Variants in LRRIQ1 observed in about 807,000 individuals in gnomAD.
The protein encoded by LRRIQ1 is leucine-rich repeat- and IQ domain-containing protein 1.
In LRRIQ1, 210 loss-of-function variants were observed where a neutral mutation model predicts 211.9. The ratio of observed to expected loss-of-function variants is 0.99; its 90% CI spans 0.89 to 1.11. The LOEUF is 1.11. LRRIQ1 is among the 50% of genes most tolerant of loss of function. The probability of loss-of-function intolerance (pLI) is 0.00; values close to 1 mark genes in which losing one functional copy is unlikely to be tolerated. For synonymous variants in LRRIQ1, 699 were observed against 650.1 expected, an observed-to-expected ratio of 1.08 and a Z score of -1.14; for missense variants, 2,136 against 1,939.5, an observed-to-expected ratio of 1.10 and a Z score of -1.90.
intron 6 of LRRIQ1, 122 bp from the exon 7 acceptor site, chr12:85,052,055 C>T: frequency 1.9e-6 from 1 of 523,922 alleles, no homozygotes; most frequent in Non-Finnish European, 3.3e-6. Flanking sequence ...AAATTGAAAG[C>T]CATTGGTTGG....
At chr12:85,171,189 T>C (rs1891398540) in intron 24 of LRRIQ1, among the ~76,000 whole-genome samples, 1 of 152,120 alleles carries the variant, frequency 6.6e-6, no homozygotes, top group South Asian at 2.1e-4. Context: ...AATATCCAAA[T>C]TGAAAGTTTA....
chr12:85,153,941 T>C, intron 22 of LRRIQ1, 71 bp from the exon 23 acceptor site: 1 of 1,077,598 alleles, frequency 9.3e-7, no homozygotes, highest in Admixed American at 3.0e-5. Context: ...TATGCATGTC[T>C]ATTTTTATAT....
intron 15 of LRRIQ1, among the ~76,000 whole-genome samples, chr12:85,110,924 A>G (rs1308797163): frequency 6.6e-6 from 1 of 152,048 alleles, no homozygotes. Flanking sequence ...ACTTTATTTC[A>G]CAGCACCCCT....
chr12:85,179,359 C>T (rs927137412), intron 24 of LRRIQ1, among the ~76,000 whole-genome samples: 1 of 151,776 alleles, frequency 6.6e-6, no homozygotes, highest in African/African-American at 2.4e-5. Flanking sequence ...CAGCAGTGTG[C>T]CATAAGCAGT....
In LRRIQ1 at chr12:85,055,849, AAAGG is replaced by A; in HGVS notation, c.1060_1063del (p.Glu354ArgfsTer17). On this transcript the variant is annotated frameshift_variant, in exon 8 of 27. Transcript: ENST00000393217. LOFTEE classifies it high-confidence loss of function. ...GGATAAAAGAAGAGAGAAAAAAGCA[AAAGG>A]AAGAGGAAAGGAAAAGGAGAGAAAA... 6.3e-7 allele frequency: 1 copy of A among 1,590,070 alleles called. No individual in the cohort carries two copies. Among genetic ancestry groups the A allele is most frequent in the Non-Finnish European group, 8.5e-7 (1 of 1,169,902 alleles).
chr12:85,190,433 T>C (rs2136934535), intron 24 of LRRIQ1, among the ~76,000 whole-genome samples: 1 of 147,504 alleles, frequency 6.8e-6, no homozygotes, highest in Admixed American at 6.9e-5. Context: ...AATAATTATA[T>C]CAAATAGTTT....
chr12:85,207,561 T>C (rs745489124), intron 24 of LRRIQ1, among the ~76,000 whole-genome samples: 2 of 152,164 alleles, frequency 1.3e-5, no homozygotes, highest in Non-Finnish European at 2.9e-5. Context: ...TTTTCATGGA[T>C]TGTGCCCTTG....
rs182425752 is a variant in LRRIQ1 at position 85,201,293 on chromosome 12, A to T, written c.4823-28224A>T. Among the ~76,000 whole-genome samples, 916 of 142,492 alleles carry T rather than the reference A, an allele frequency of 6.4e-3. 7 individuals carry two copies. The highest frequency in any genetic ancestry group is 0.023 in the African/African-American group (883 of 38,092). The allele number at this position is 142,492 out of a possible 152,430, so 93.5% of individuals were successfully genotyped here. The stretch of plus-strand genomic sequence containing the variant: ...TCCCTCAGGTTTTAGTATCAGGATG[A>T]TGCTGGGCTCATAGAATGAGTTAGC... On this transcript the variant is annotated intron_variant, in intron 24 of 26. Coordinates refer to ENST00000393217, the MANE Select transcript of LRRIQ1 (RefSeq NM_001079910.2).
In LRRIQ1 at chr12:85,152,274, G is replaced by T; in HGVS notation, c.4330-6G>T. The stretch of plus-strand genomic sequence containing the variant: ...AATTACATACATTTTAATATTATTT[G>T]TGCAGGCTGCCTTAGAAGAAGAATG... On this transcript the variant is annotated splice_polypyrimidine_tract_variant and splice_region_variant and intron_variant, in intron 19 of 26. Coordinates refer to ENST00000393217, the MANE Select transcript of LRRIQ1 (RefSeq NM_001079910.2). The T allele has an allele frequency of 6.2e-7, 1 of 1,603,226 alleles. No homozygotes were observed. The highest frequency in any genetic ancestry group is 8.5e-7 in the Non-Finnish European group (1 of 1,174,304).
At chr12:85,062,565 T>G (rs1246576135) in intron 8 of LRRIQ1, among the ~76,000 whole-genome samples, 2 of 148,730 alleles carry the variant, frequency 1.3e-5, no homozygotes, top group African/African-American at 5.0e-5. Context: ...CCAGGCTATA[T>G]ATGTACTACT....
At chr12:85,238,069 A>G (rs757787179) in intron 26 of LRRIQ1, among the ~76,000 whole-genome samples, 8 of 152,064 alleles carry the variant, frequency 5.3e-5, no homozygotes, top group Non-Finnish European at 8.8e-5. Flanking sequence ...TAGAGAAAAT[A>G]AACTTTAAAA....
At chr12:85,182,717 T>G (rs1051427453) in intron 24 of LRRIQ1, among the ~76,000 whole-genome samples, 7 of 152,020 alleles carry the variant, frequency 4.6e-5, no homozygotes, top group African/African-American at 1.4e-4. Context: ...GTAAAATGAG[T>G]AGGTTACTTG....
At chr12:85,109,230 T>A (rs987346270) in intron 15 of LRRIQ1, among the ~76,000 whole-genome samples, 3 of 152,226 alleles carry the variant, frequency 2.0e-5, no homozygotes, top group Admixed American at 6.6e-5. Flanking sequence ...TGTCTGAGGC[T>A]ACTGCAAACC....
intron 8 of LRRIQ1, among the ~76,000 whole-genome samples, chr12:85,063,223 T>G (rs1882055380): frequency 6.6e-6 from 1 of 151,588 alleles, no homozygotes; most frequent in Admixed American, 6.6e-5. Flanking sequence ...CTTGTCAATT[T>G]TTTTTTTTTG....
intron 24 of LRRIQ1, among the ~76,000 whole-genome samples, chr12:85,221,032 G>GA (rs1894378176): frequency 6.6e-6 from 1 of 151,668 alleles, no homozygotes; most frequent in Non-Finnish European, 1.5e-5. Context: ...GGCTGGTCTC[G>GA]AACTACTGAC....
chr12:85,092,029 A>G (rs1448605211), intron 11 of LRRIQ1, among the ~76,000 whole-genome samples: 4 of 152,176 alleles, frequency 2.6e-5, no homozygotes, highest in Non-Finnish European at 5.9e-5. Flanking sequence ...TTAGATTCTC[A>G]TAGGAGCGTG....
chr12:85,140,136 A>G (rs1472581910), intron 19 of LRRIQ1, among the ~76,000 whole-genome samples: 1 of 151,362 alleles, frequency 6.6e-6, no homozygotes, highest in South Asian at 2.1e-4. Flanking sequence ...AATGTTTTTC[A>G]AAACTGAATT....
intron 11 of LRRIQ1, among the ~76,000 whole-genome samples, chr12:85,096,942 G>A (rs1885931243): frequency 6.6e-6 from 1 of 152,074 alleles, no homozygotes; most frequent in Non-Finnish European, 1.5e-5. Context: ...ACTGTTGTTG[G>A]TTTAAAGCAT....
At chr12:85,195,358 G>A (rs1320922050) in intron 24 of LRRIQ1, among the ~76,000 whole-genome samples, 1 of 150,386 alleles carries the variant, frequency 6.6e-6, no homozygotes, top group Admixed American at 6.6e-5. Flanking sequence ...AAGCCAGGCA[G>A]ACACACAACA....
Sources: gnomAD v4.1 joint callset for allele counts (sites outside exome capture counted in the v4.1 genomes callset) on GRCh38, gnomAD v4.1.1 for gene constraint, MANE v1.5 for transcripts, NCBI Gene and HGNC (gene_info 2026-07-23, HGNC 2026-07-21) for gene names.